Variants in COG5 observed in about 807,000 individuals in gnomAD.
COG5 encodes conserved oligomeric Golgi complex subunit 5.
COG5 carries 86 observed loss-of-function variants against 110.4 expected under a neutral mutation model. The observed-to-expected ratio is 0.78, with a 90% CI of 0.65 to 0.93. The LOEUF is 0.93. COG5 is among the 40% of genes least tolerant of loss of function. COG5 has a pLI of 0.00. For synonymous variants in COG5, 360 were observed against 334.6 expected (o/e 1.08, Z -0.83); for missense variants, 1,077 against 987.0 (o/e 1.09, Z -1.22).
chr7:107,504,936 CAAA>C lies in COG5; in HGVS notation c.538+22298_538+22300del, dbSNP rs1422093400. Among the ~76,000 whole-genome samples, 6 of 152,086 alleles carry C rather than the reference CAAA, an allele frequency of 3.9e-5. No homozygotes were observed. The East Asian group carries it at 1.2e-3, about 29-fold the overall frequency. ...TGGTCTATCCATTTTGTTTATCTCT[CAAA>C]GAGAGAATTCAGTTCTTGGTGCTTT... On this transcript the variant is annotated intron_variant, in intron 6 of 21. Transcript: ENST00000297135.
chr7:107,205,952 CTGT>C (rs1798738442), intron 21 of COG5, among the ~76,000 whole-genome samples: 1 of 146,136 alleles, frequency 6.8e-6, no homozygotes, highest in Non-Finnish European at 1.5e-5. Flanking sequence ...AGAAGTGTAG[CTGT>C]TTTTTTTTTT....
Position 107,474,117 on chromosome 7 carries a change from G to A in COG5, c.538+53120C>T. ...TGCAGTCTGAATCTAACATTACAGTGCGAGATGACATTGATGACATCAACA... is the reference window on the plus strand; with the variant it reads ...TGCAGTCTGAATCTAACATTACAGTACGAGATGACATTGATGACATCAACA... On this transcript the variant is annotated intron_variant, in intron 6 of 21. Transcript: ENST00000297135. The surrounding 1 kb of genome is among the most constrained non-coding windows in gnomAD (Gnocchi z 5.7). 1 of 1,609,038 alleles carries A rather than the reference G, an allele frequency of 6.2e-7. No individual in the cohort carries two copies. The highest frequency in any genetic ancestry group is 8.5e-7 in the Non-Finnish European group (1 of 1,176,590).
chr7:107,563,263 C>T (rs1309314158), intron 1 of COG5, among the ~76,000 whole-genome samples: 1 of 152,058 alleles, frequency 6.6e-6, no homozygotes, highest in Non-Finnish European at 1.5e-5. Context: ...CAAACCCTCC[C>T]CCACGTGTCA....
intron 5 of COG5, among the ~76,000 whole-genome samples, chr7:107,534,463 G>A (rs1442630646): frequency 6.6e-6 from 1 of 151,082 alleles, no homozygotes; most frequent in Admixed American, 6.6e-5. Flanking sequence ...TAAAGGGATG[G>A]GTGAATATTT....
At chr7:107,363,328 G>A (rs1419471601) in intron 8 of COG5, among the ~76,000 whole-genome samples, 1 of 152,184 alleles carries the variant, frequency 6.6e-6, no homozygotes, top group Non-Finnish European at 1.5e-5. Flanking sequence ...TAGATATTGT[G>A]CCAGTGAGCA....
intron 7 of COG5, among the ~76,000 whole-genome samples, chr7:107,382,039 A>G (rs893241357): frequency 6.6e-6 from 1 of 152,156 alleles, no homozygotes; most frequent in African/African-American, 2.4e-5. Flanking sequence ...CTGGTAATTT[A>G]CCAAGGCTTT....
At chr7:107,255,495 T>C (rs753244970) in intron 16 of COG5, among the ~76,000 whole-genome samples, 21 of 152,120 alleles carry the variant, frequency 1.4e-4, no homozygotes, top group Non-Finnish European at 2.4e-4. Context: ...AGAAGCTCCC[T>C]TCCCCTTTAG....
At chr7:107,331,285 A>G (rs1339826434) in intron 10 of COG5, among the ~76,000 whole-genome samples, 1 of 151,978 alleles carries the variant, frequency 6.6e-6, no homozygotes, top group Non-Finnish European at 1.5e-5. Context: ...GGCTACCATT[A>G]TGAAACACCA....
At chr7:107,232,878 C>T (rs553051162) in intron 18 of COG5, among the ~76,000 whole-genome samples, 8 of 152,248 alleles carry the variant, frequency 5.3e-5, no homozygotes, top group Admixed American at 3.3e-4. Flanking sequence ...CAGCTGCAGG[C>T]ACGGTGAACT....
chr7:107,341,168 T>G (rs188870427), intron 10 of COG5, among the ~76,000 whole-genome samples: 50 of 152,278 alleles, frequency 3.3e-4, no homozygotes, highest in African/African-American at 1.1e-3. Context: ...GACAAGTGAT[T>G]ATAGCAAAGT....
chr7:107,548,595 G>A (rs913934464), intron 3 of COG5, among the ~76,000 whole-genome samples: 5 of 152,104 alleles, frequency 3.3e-5, no homozygotes, highest in Non-Finnish European at 7.4e-5. Context: ...CTGGGGTGAT[G>A]GAAAAGTTAT....
At position 107,528,664 on chromosome 7, in the gene COG5, T is replaced by A. The variant is rs1326696200; in HGVS notation, c.418-1307A>T. Among the ~76,000 whole-genome samples, 3 of 152,108 alleles carry A rather than the reference T, an allele frequency of 2.0e-5. No individual in the cohort carries two copies. In the East Asian group the frequency reaches 5.8e-4, roughly 29 times the overall value. ...GTGATTACAAAGGAAAGAGAGACAT[T>A]CCATACTGCTGCATCACAACCATTT... On this transcript the variant is annotated intron_variant, in intron 5 of 21. Transcript: ENST00000297135.
chr7:107,295,099 ATAT>A (rs1227724676), intron 12 of COG5, among the ~76,000 whole-genome samples: 11 of 63,846 alleles, frequency 1.7e-4, no homozygotes, highest in African/African-American at 4.9e-4. Context: ...ATATATATAT[ATAT>A]TTTTTTTTTT....
At chr7:107,522,716 G>A (rs1800427131) in intron 6 of COG5, among the ~76,000 whole-genome samples, 1 of 152,140 alleles carries the variant, frequency 6.6e-6, no homozygotes, top group Non-Finnish European at 1.5e-5. Context: ...TTCATTCTGA[G>A]TTAATATTTT....
At chr7:107,383,769 G>T (rs1815332414) in intron 7 of COG5, among the ~76,000 whole-genome samples, 1 of 152,132 alleles carries the variant, frequency 6.6e-6, no homozygotes, top group South Asian at 2.1e-4. Flanking sequence ...TGAACCCCCG[G>T]GAAGCCATTA....
intron 10 of COG5, among the ~76,000 whole-genome samples, chr7:107,357,704 T>C (rs867099130): frequency 5.3e-5 from 8 of 152,320 alleles, no homozygotes; most frequent in Middle Eastern, 3.4e-3. Context: ...GGTCTCACTT[T>C]ATTACTCAGG....
intron 6 of COG5, among the ~76,000 whole-genome samples, chr7:107,509,727 G>C (rs924596281): frequency 3.3e-5 from 5 of 152,244 alleles, no homozygotes; most frequent in South Asian, 4.1e-4. Flanking sequence ...AGCCAGAAGA[G>C]AGTGGGGACC....
rs1802224121 is a variant in COG5, at chr7:107,248,496, T to C, written c.1753A>G (p.Ile585Val). Residue 585 changes from isoleucine to valine, a missense_variant, in exon 17 of 22, where the codon ATT becomes GTT. Transcript: ENST00000297135. ...ACAGCATTTTCCATAAGAGCATGAA[T>C]AGCCTAAAAAAAAAAAAGAAAGAAA... ...EQTIISALKAIHALMENAVQP... is the reference protein window; with the variant it reads ...EQTIISALKAVHALMENAVQP... The C allele has an allele frequency of 6.4e-7, 1 of 1,569,846 alleles. No homozygotes were observed. Among genetic ancestry groups the C allele is most frequent in the Non-Finnish European group, 8.6e-7 (1 of 1,156,264 alleles).
intron 7 of COG5, among the ~76,000 whole-genome samples, chr7:107,378,323 C>T (rs757982887): frequency 3.0e-4 from 45 of 152,062 alleles, no homozygotes; most frequent in Non-Finnish European, 5.0e-4. Flanking sequence ...GAAAAACCAG[C>T]GCAAAAAGGT....
Sources: allele counts gnomAD v4.1 joint callset (sites outside exome capture counted in the v4.1 genomes callset), GRCh38; gene constraint gnomAD v4.1.1; non-coding constraint Gnocchi (gnomAD v3.1); transcripts MANE v1.5; gene names NCBI Gene and HGNC (gene_info 2026-07-23, HGNC 2026-07-21).